ERICH6B: variants seen among roughly 807,000 people sequenced by gnomAD.
ERICH6B encodes the protein glutamate-rich protein 6B.
ERICH6B carries 69 observed loss-of-function variants against 80.0 expected under a neutral mutation model. That is an observed-to-expected ratio of 0.86 (90% confidence interval 0.71 to 1.05). ERICH6B has a LOEUF of 1.05. Among genes scored for constraint, ERICH6B ranks in the 50% least tolerant of loss-of-function variants. The pLI is 0.00. For synonymous variants in ERICH6B, 283 were observed against 291.9 expected, an observed-to-expected ratio of 0.97 and a Z score of 0.31; for missense variants, 754 against 796.1, an observed-to-expected ratio of 0.95 and a Z score of 0.64.
intron 1 of ERICH6B, 69 bp from the exon 2 acceptor site, chr13:45,607,684 T>C (rs932817406): frequency 6.6e-6 from 1 of 152,272 alleles, no homozygotes; most frequent in Non-Finnish European, 1.5e-5. Flanking sequence ...TTCTTAGTAA[T>C]GCTGGAAAAT....
intron 9 of ERICH6B, 57 bp downstream of exon 9, chr13:45,568,258 C>T (rs1024603008): frequency 1.0e-5 from 15 of 1,460,750 alleles, no homozygotes; most frequent in Non-Finnish European, 1.4e-5. Flanking sequence ...TTCCCTGCTG[C>T]CACCTCTGGC....
chr13:45,591,399 A>C (rs1593322806), intron 3 of ERICH6B, among the ~76,000 whole-genome samples: 1 of 152,218 alleles, frequency 6.6e-6, no homozygotes, highest in East Asian at 1.9e-4. Flanking sequence ...GATCGAGACC[A>C]TCCTGGCTAA....
chr13:45,563,290 C>G (rs1027053312), intron 10 of ERICH6B, among the ~76,000 whole-genome samples: 25 of 152,178 alleles, frequency 1.6e-4, no homozygotes, highest in African/African-American at 4.6e-4. Context: ...CAGGGCCTAA[C>G]CATTCTATAT....
At chr13:45,566,661 C>G (rs779181493) in intron 9 of ERICH6B, among the ~76,000 whole-genome samples, 1 of 152,242 alleles carries the variant, frequency 6.6e-6, no homozygotes, top group Non-Finnish European at 1.5e-5. Flanking sequence ...GAACCTCTGC[C>G]TAGATTTCAG....
In ERICH6B at chr13:45,596,952, T is replaced by A. The variant is rs1876422575; in HGVS notation, c.54A>T (p.Thr18=). 1 of 1,551,570 alleles carries A rather than the reference T, an allele frequency of 6.4e-7. No homozygotes were observed. The highest frequency in any genetic ancestry group is 1.2e-5 in the South Asian group (1 of 84,044). ...LSGASPPHPP[T]TPQYSTQNLP... is the part of the protein sequence containing the mutation. ...AGTTCTGTGTGGAATATTGGGGAGTTGTGGGAGGGTGAGGAGGTGATGCTC... is the reference window on the plus strand; with the variant it reads ...AGTTCTGTGTGGAATATTGGGGAGTAGTGGGAGGGTGAGGAGGTGATGCTC... Residue 18 remains threonine (T), a synonymous_variant, in exon 3 of 15, where the codon ACA becomes ACT. Coordinates refer to ENST00000298738, the MANE Select transcript of ERICH6B (RefSeq NM_182542.3).
chr13:45,584,364 A>G (rs780106494), intron 5 of ERICH6B, among the ~76,000 whole-genome samples: 10 of 152,174 alleles, frequency 6.6e-5, no homozygotes, highest in Non-Finnish European at 8.8e-5. Flanking sequence ...CATAGGTCCC[A>G]AGTATTTACC....
chr13:45,615,179 C>T (rs1461535722), intron 1 of ERICH6B, among the ~76,000 whole-genome samples: 1 of 152,140 alleles, frequency 6.6e-6, no homozygotes, highest in Non-Finnish European at 1.5e-5. Flanking sequence ...GCTGTTTACC[C>T]CCCACATTAG....
chr13:45,553,858 G>A (rs945131635), intron 11 of ERICH6B, among the ~76,000 whole-genome samples: 4 of 152,050 alleles, frequency 2.6e-5, no homozygotes, highest in African/African-American at 9.7e-5. Flanking sequence ...ATTAAAAATT[G>A]TATATATTTA....
At chr13:45,575,543 C>T (rs1468151229) in intron 7 of ERICH6B, among the ~76,000 whole-genome samples, 1 of 152,198 alleles carries the variant, frequency 6.6e-6, no homozygotes, top group African/African-American at 2.4e-5. Flanking sequence ...GAGGGAGACT[C>T]ATTCCGAGTG....
At chr13:45,576,423 C>T (rs551274597) in intron 7 of ERICH6B, among the ~76,000 whole-genome samples, 28 of 152,254 alleles carry the variant, frequency 1.8e-4, no homozygotes, top group Admixed American at 8.5e-4. Flanking sequence ...TATGTGTTCC[C>T]GAACTGTCTG....
intron 2 of ERICH6B, among the ~76,000 whole-genome samples, chr13:45,606,537 ATATATATATATTTTTTT>A (rs1207851280): frequency 0.02 from 257 of 12,760 alleles, 1 homozygote; most frequent in Middle Eastern, 0.036. Context: ...ATATATATAT[ATATATATATATTTTTTT>A]TTTTTTTTTT....
intron 2 of ERICH6B, among the ~76,000 whole-genome samples, chr13:45,602,573 C>G (rs980389272): frequency 6.6e-6 from 1 of 152,128 alleles, no homozygotes; most frequent in Non-Finnish European, 1.5e-5. Flanking sequence ...TTAGACTTTC[C>G]TCCAGGACTC....
At chr13:45,593,937 TA>T (rs1397441626) in intron 3 of ERICH6B, among the ~76,000 whole-genome samples, 1 of 152,188 alleles carries the variant, frequency 6.6e-6, no homozygotes, top group African/African-American at 2.4e-5. Context: ...TGGATAAGGT[TA>T]AAAAAATTTG....
At chr13:45,549,842 C>T (rs2137961271) in intron 13 of ERICH6B, 51 bp downstream of exon 13, 1 of 1,521,768 alleles carries the variant, frequency 6.6e-7, no homozygotes, top group African/African-American at 1.4e-5. Context: ...ACGCTTTTTC[C>T]AGCTGCTTCT....
rs1169208592 is a variant in ERICH6B at position 45,541,602 on chromosome 13, T to C, written c.1951A>G (p.Ile651Val). 16 of 1,551,614 alleles carry C rather than the reference T, an allele frequency of 1.0e-5. No individual in the cohort carries two copies. Among genetic ancestry groups the C allele is most frequent in the Non-Finnish European group, 1.4e-5 (16 of 1,147,016 alleles). The change falls in exon 15 of 15, where the codon ATC (isoleucine) becomes GTC (valine). Residue 651 changes from isoleucine to valine, a missense_variant. Physicochemically the swap from Ile to Val is conservative, Grantham distance 29 (BLOSUM62 3). Coordinates refer to ENST00000298738, the MANE Select transcript of ERICH6B (RefSeq NM_182542.3). The part of the protein sequence containing the change: ...EAEPGPTAQK[I>V]RVLLGKMNRL... ...TTCATTTTCCCCAGAAGGACCCGGA[T>C]CTTCTGGGCTGTTGGGCCGGGTTCT... is the stretch of plus-strand genomic sequence containing the variant.
intron 11 of ERICH6B, among the ~76,000 whole-genome samples, chr13:45,559,032 T>C (rs1056073765): frequency 1.3e-5 from 2 of 152,086 alleles, no homozygotes; most frequent in African/African-American, 4.8e-5. Context: ...GAATGTCTGG[T>C]AGAATTTTTT....
chr13:45,545,106 G>A lies in ERICH6B; in HGVS notation c.1647-121C>T. The A allele has an allele frequency of 7.3e-6, 6 of 825,264 alleles. No individual in the cohort carries two copies. In the South Asian group the frequency reaches 1.1e-4, roughly 15 times the overall value. The allele number at this position is 825,264 out of a possible 1,614,324, so 51.1% of individuals were successfully genotyped here. On this transcript the variant is annotated intron_variant, in intron 13 of 14. Transcript: ENST00000298738. ...CAGAAAGACTGACAGGGACTTGATG[G>A]GTAGGAGAAGCTCCAACATGGACAA...
chr13:45,584,814 T>C lies in ERICH6B; in HGVS notation c.856+2249A>G, dbSNP rs193209014. Among the ~76,000 whole-genome samples the C allele has an allele frequency of 1.4e-4, 21 of 152,312 alleles. No homozygotes were observed. The South Asian group carries it at 2.9e-3, about 21-fold the overall frequency. ...TGTTTCTCCAAGTGACCAGGCGGCT[T>C]CTTCCCTGGGCTGAAAGCTCTGCTT... is the stretch of plus-strand genomic sequence containing the variant. On this transcript the variant is annotated intron_variant, in intron 5 of 14. Transcript: ENST00000298738.
At chr13:45,601,959 C>T (rs1949830107) in intron 2 of ERICH6B, among the ~76,000 whole-genome samples, 1 of 152,204 alleles carries the variant, frequency 6.6e-6, no homozygotes, top group Admixed American at 6.5e-5. Flanking sequence ...TTATTGCACA[C>T]TTATTCCTAA....
Sources: allele counts gnomAD v4.1 joint callset (sites outside exome capture counted in the v4.1 genomes callset), GRCh38; gene constraint gnomAD v4.1.1; transcripts MANE v1.5; gene names NCBI Gene and HGNC (gene_info 2026-07-23, HGNC 2026-07-21).